The following ZNF571 variants were observed in gnomAD, a reference collection of about 807,000 sequenced individuals.
ZNF571 encodes zinc finger protein 571.
Under a neutral mutation model 7.7 loss-of-function variants are expected in ZNF571, and 4 were observed. The observed-to-expected ratio is 0.52, with a 90% CI of 0.25 to 1.18. ZNF571 has a LOEUF of 1.18. Among genes scored for constraint, ZNF571 ranks in the 50% most tolerant of loss-of-function variants. The probability of loss-of-function intolerance (pLI) is 0.14; values close to 1 mark genes in which losing one functional copy is unlikely to be tolerated. For missense variants in ZNF571, 704 were observed against 726.9 expected, an observed-to-expected ratio of 0.97 and a Z score of 0.36; for synonymous variants, 251 against 232.4, an observed-to-expected ratio of 1.08 and a Z score of -0.73.
rs1308495442 is a variant in ZNF571 at position 37,565,355 on chromosome 19, G to A, written c.1073C>T (p.Thr358Ile). ...SQLNEHQRIHTGEKPYECKEC... is the reference protein window; with the variant it reads ...SQLNEHQRIHIGEKPYECKEC... ...TTTACATTCATAGGGTTTCTCTCCT[G>A]TATGAATTCTCTGATGTTCATTCAG... is the stretch of plus-strand genomic sequence containing the variant. The change falls in exon 4 of 4, where the codon ACA becomes ATA. Residue 358 changes from threonine (T) to isoleucine (I), a missense_variant. Transcript: ENST00000451802. 1 of 1,613,732 alleles carries A rather than the reference G, an allele frequency of 6.2e-7. No individual in the cohort carries two copies. Among genetic ancestry groups the A allele is most frequent in the Non-Finnish European group, 8.5e-7 (1 of 1,179,856 alleles).
In ZNF571 at chr19:37,565,648, A is replaced by G; in HGVS notation, c.780T>C (p.Phe260=). The G allele has an allele frequency of 1.2e-6, 2 of 1,613,358 alleles. No homozygotes were observed. Among genetic ancestry groups the G allele is most frequent in the South Asian group, 1.1e-5 (1 of 91,018 alleles). ...PYECKKCGKA[F]SYCSQYTLHQ... ...GAAGAGTATATTGTGAACAATAACT[A>G]AAGGCTTTTCCACATTTCTTACATT... Residue 260 remains phenylalanine, a synonymous_variant, in exon 4 of 4, where the codon TTT becomes TTC. Coordinates refer to ENST00000451802, the MANE Select transcript of ZNF571 (RefSeq NM_016536.5).
intron 2 of ZNF571, among the ~76,000 whole-genome samples, chr19:37,584,856 C>T (rs930092419): frequency 2.7e-5 from 4 of 150,506 alleles, no homozygotes; most frequent in Non-Finnish European, 4.4e-5. Context: ...CCCAGCTACT[C>T]GGGAGGCTGA....
At chr19:37,587,720 T>C (rs2043724929) in intron 1 of ZNF571, among the ~76,000 whole-genome samples, 2 of 152,228 alleles carry the variant, frequency 1.3e-5, no homozygotes, top group South Asian at 4.1e-4. Context: ...TAAGATTTTG[T>C]TGGGTATAGT....
intron 3 of ZNF571, among the ~76,000 whole-genome samples, chr19:37,573,692 A>G (rs1178670194): frequency 6.7e-6 from 1 of 150,296 alleles, no homozygotes; most frequent in African/African-American, 2.4e-5. Context: ...AAAATCCGCC[A>G]TGCATGGTGG....
rs2042794693 is a variant in ZNF571 at position 37,564,952 on chromosome 19, A to C, written c.1476T>G (p.His492Gln). ...GCTTTTCACCTGTATGAATTCTTTG[A>C]TGATATGTAAGTTGTGTAGCACGTA... Reference protein sequence around the residue: ...TFVRATQLTYHQRIHTGEKPY... With the variant: ...TFVRATQLTYQQRIHTGEKPY... Residue 492 changes from histidine (H) to glutamine (Q), a missense_variant, in exon 4 of 4, where the codon CAT becomes CAG. His to Gln is a conservative substitution (Grantham distance 24). Coordinates refer to ENST00000451802, the MANE Select transcript of ZNF571 (RefSeq NM_016536.5). 3 of 1,613,838 alleles carry C rather than the reference A, an allele frequency of 1.9e-6. No individual in the cohort carries two copies. The highest frequency in any genetic ancestry group is 1.7e-6 in the Non-Finnish European group (2 of 1,179,898).
intron 1 of ZNF571, among the ~76,000 whole-genome samples, chr19:37,590,214 G>A (rs2043826400): frequency 6.6e-6 from 1 of 151,668 alleles, no homozygotes; most frequent in African/African-American, 2.4e-5. Context: ...AGACCATCCT[G>A]GCTAACACAG....
At chr19:37,592,424 A>G (rs1277482129) in intron 1 of ZNF571, among the ~76,000 whole-genome samples, 1 of 152,194 alleles carries the variant, frequency 6.6e-6, no homozygotes, top group Non-Finnish European at 1.5e-5. Flanking sequence ...GATATACTGT[A>G]TATATGTTTA....
intron 1 of ZNF571, 200 bp from the exon 2 acceptor site, chr19:37,586,945 G>A (rs750953138): frequency 2.0e-5 from 9 of 458,244 alleles, no homozygotes; most frequent in Non-Finnish European, 2.7e-5. Context: ...GACCCTAGGT[G>A]CTGTTACTTT....
chr19:37,587,469 C>T (rs1600531595), intron 1 of ZNF571: 1 of 152,266 alleles, frequency 6.6e-6, no homozygotes, highest in African/African-American at 2.4e-5. Context: ...GAGGGTCAAA[C>T]AGGAGCAACA....
chr19:37,580,191 C>T (rs935122158), intron 3 of ZNF571, among the ~76,000 whole-genome samples: 2 of 152,324 alleles, frequency 1.3e-5, no homozygotes, highest in South Asian at 4.1e-4. Flanking sequence ...GCTATATTAT[C>T]AGGTTTAGGC....
intron 1 of ZNF571, among the ~76,000 whole-genome samples, chr19:37,588,686 T>C (rs748782668): frequency 6.6e-6 from 1 of 152,164 alleles, no homozygotes; most frequent in Non-Finnish European, 1.5e-5. Flanking sequence ...AACCTGAACA[T>C]GTACCCCCTG....
intron 3 of ZNF571, among the ~76,000 whole-genome samples, chr19:37,567,449 T>A (rs542467476): frequency 1.3e-5 from 2 of 152,352 alleles, no homozygotes; most frequent in African/African-American, 4.8e-5. Context: ...CAAACTCCTA[T>A]TCATGGCCTA....
At chr19:37,578,242 T>C (rs2147183343) in intron 3 of ZNF571, among the ~76,000 whole-genome samples, 1 of 152,190 alleles carries the variant, frequency 6.6e-6, no homozygotes, top group African/African-American at 2.4e-5. Flanking sequence ...TAGAAGACCA[T>C]GTCAGGATTT....
At chr19:37,583,795 A>C in intron 3 of ZNF571, 176 bp downstream of exon 3, 1 of 565,270 alleles carries the variant, frequency 1.8e-6, no homozygotes, top group Non-Finnish European at 3.0e-6. Flanking sequence ...AGGAAGTGAC[A>C]GAGAAAGATG....
At chr19:37,592,295 T>C (rs1407491312) in intron 1 of ZNF571, among the ~76,000 whole-genome samples, 1 of 152,160 alleles carries the variant, frequency 6.6e-6, no homozygotes, top group Non-Finnish European at 1.5e-5. Context: ...AAGTGGACGT[T>C]ATAACCTTTA....
At chr19:37,590,433 A>AG (rs1250116802) in intron 1 of ZNF571, among the ~76,000 whole-genome samples, 1 of 83,556 alleles carries the variant, frequency 1.2e-5, no homozygotes, top group East Asian at 2.0e-4. Context: ...AAGAAGAAGA[A>AG]AAAAAAAGCT....
intron 3 of ZNF571, among the ~76,000 whole-genome samples, chr19:37,576,457 C>T (rs930080827): frequency 6.6e-6 from 1 of 152,110 alleles, no homozygotes; most frequent in Non-Finnish European, 1.5e-5. Context: ...GCTCGTAAAA[C>T]CTTACTCTAC....
rs751343737 is a variant in ZNF571, at chr19:37,566,014, C to T, written c.414G>A (p.Leu138=). ...CTTGTCTGCATTCCTTACATTTGTA[C>T]AATTTTTCCTTGGTAGGAATTATCC... The part of the protein sequence containing the change: ...FHRIIPTKEK[L]YKCKECRQGF... The change falls in exon 4 of 4, where the codon TTG becomes TTA. Residue 138 remains leucine (L), a synonymous_variant. Coordinates refer to ENST00000451802, the MANE Select transcript of ZNF571 (RefSeq NM_016536.5). The T allele has an allele frequency of 4.3e-6, 7 of 1,614,028 alleles. No individual in the cohort carries two copies. Among genetic ancestry groups the T allele is most frequent in the East Asian group, 4.5e-5 (2 of 44,878 alleles).
At chr19:37,573,832 CAAAAAAAAAA>C (rs753161725) in intron 3 of ZNF571, among the ~76,000 whole-genome samples, 1 of 117,788 alleles carries the variant, frequency 8.5e-6, no homozygotes, top group Non-Finnish European at 1.8e-5. Context: ...GATCCTGTTT[CAAAAAAAAAA>C]AAAGAAAGAA....
Sources: allele counts gnomAD v4.1 joint callset (sites outside exome capture counted in the v4.1 genomes callset), GRCh38; gene constraint gnomAD v4.1.1; transcripts MANE v1.5; gene names NCBI Gene and HGNC (gene_info 2026-07-23, HGNC 2026-07-21).